Variants in CNTNAP1 observed in about 807,000 individuals in gnomAD.
CNTNAP1 encodes the protein contactin-associated protein 1.
CNTNAP1 carries 80 observed loss-of-function variants against 161.5 expected under a neutral mutation model. That is an observed-to-expected ratio of 0.50 (90% CI 0.41 to 0.60). CNTNAP1 has a LOEUF of 0.60. CNTNAP1 is among the 20% of genes least tolerant of loss of function. The pLI is 0.00. For missense variants in CNTNAP1, 1,464 were observed against 1,854.8 expected, an observed-to-expected ratio of 0.79 and a Z score of 3.87; for synonymous variants, 695 against 733.1, an observed-to-expected ratio of 0.95 and a Z score of 0.84.
At chr17:42,689,840 A>C (rs1388322234) in intron 11 of CNTNAP1, 1 of 580,460 alleles carries the variant, frequency 1.7e-6, no homozygotes, top group Non-Finnish European at 3.0e-6. Flanking sequence ...TCCTGGGTTC[A>C]AGCGATTCTC....
rs139502882 is a variant in CNTNAP1 at position 42,684,864 on chromosome 17, G to A, written c.364-127G>A. On this transcript the variant is annotated intron_variant, in intron 3 of 23. Coordinates refer to ENST00000264638, the MANE Select transcript of CNTNAP1 (RefSeq NM_003632.3). ...TGTTTGAACCCGGGAGGCAGAGGTT[G>A]CGGTGAGCCGAGATCGTACCACCGC... The A allele has an allele frequency of 6.4e-3, 6,829 of 1,069,326 alleles. 211 individuals are homozygous for A. The highest frequency in any genetic ancestry group is 0.061 in the South Asian group (3,673 of 59,806). 66.2% of individuals were successfully genotyped at this position (1,069,326 alleles called of 1,614,324 possible). A position where few individuals can be genotyped will look rare whatever the true frequency, so the allele number is the denominator to read the frequency against.
chr17:42,691,762 C>A lies in CNTNAP1; in HGVS notation c.2345-44C>A. 1.2e-6 allele frequency: 2 copies of A among 1,600,054 alleles called. No homozygotes were observed. The highest frequency in any genetic ancestry group is 1.7e-6 in the Non-Finnish European group (2 of 1,168,368). On this transcript the variant is annotated intron_variant, in intron 15 of 23. Coordinates refer to ENST00000264638, the MANE Select transcript of CNTNAP1 (RefSeq NM_003632.3). The surrounding 1 kb of genome is among the most constrained non-coding windows in gnomAD (Gnocchi z 4.3). ...ACCCCAGGTTCTCTTCCTCCTCCAC[C>A]CTCCAATCTCCCTGACAAGACCTTC...
chr17:42,692,177 C>G (rs2053095661), intron 16 of CNTNAP1, among the ~76,000 whole-genome samples, 186 bp downstream of exon 16: 1 of 152,220 alleles, frequency 6.6e-6, no homozygotes. Context: ...TAGGCATTCA[C>G]TTGGCCTCTC....
chr17:42,686,485 T>TG lies in CNTNAP1; in HGVS notation c.900+344_900+345insG, dbSNP rs1567970569. Among the ~76,000 whole-genome samples, 276 of 140,434 alleles carry TG rather than the reference T, an allele frequency of 2.0e-3. 2 individuals are homozygous for TG. Among genetic ancestry groups the TG allele is most frequent in the African/African-American group, 7.7e-3 (260 of 33,786 alleles). The allele number at this position is 140,434 out of a possible 152,430, so 92.1% of individuals were successfully genotyped here. On this transcript the variant is annotated intron_variant, in intron 6 of 23. Transcript: ENST00000264638. Reference sequence around the variant, plus strand: ...AAAAGGCCTGTTTTTTTTTTTTTTTTTTTTTTTTGTGGGTGTTGTTGCTGT... The same window carrying TG: ...AAAAGGCCTGTTTTTTTTTTTTTTTTGTTTTTTTTGTGGGTGTTGTTGCTGT...
At chr17:42,688,698 T>C (rs1259278202) in intron 9 of CNTNAP1, 87 bp downstream of exon 9, 2 of 1,585,942 alleles carry the variant, frequency 1.3e-6, no homozygotes, top group Admixed American at 1.7e-5. Context: ...CATGGAGAAT[T>C]TTGGAGGGAT....
chr17:42,698,848 C>T lies in CNTNAP1; in HGVS notation c.4093C>T (p.Pro1365Ser). ...SAPAPAPTPA[P>S]APGPRDQNLP... ...CCCAGCCCCAGCCCCAACTCCAGCC[C>T]CAGCCCCTGGCCCCCGGGATCAGAA... Residue 1365 changes from proline (P) to serine (S), a missense_variant, in exon 24 of 24, where the codon CCA becomes TCA. Coordinates refer to ENST00000264638, the MANE Select transcript of CNTNAP1 (RefSeq NM_003632.3). The T allele has an allele frequency of 6.3e-7, 1 of 1,594,932 alleles. No homozygotes were observed.
In CNTNAP1 at chr17:42,687,099, CAA is replaced by C. The variant is rs557099633; in HGVS notation, c.1044+55_1044+56del. 239 of 1,583,708 alleles carry C rather than the reference CAA, an allele frequency of 1.5e-4. No individual in the cohort carries two copies. The African/African-American group carries it at 2.7e-3, about 18-fold the overall frequency. On this transcript the variant is annotated intron_variant, in intron 7 of 23. Transcript: ENST00000264638. The surrounding 1 kb of genome is among the most constrained non-coding windows in gnomAD (Gnocchi z 4.7). The stretch of plus-strand genomic sequence containing the variant: ...CAGGATATCAAAGCGTCGTGGAAAG[CAA>C]AGAGGTGGAGCGGGAAGAGATATTG...
At chr17:42,692,777 G>C (rs1377673577) in intron 17 of CNTNAP1, 57 bp downstream of exon 17, 1 of 1,493,164 alleles carries the variant, frequency 6.7e-7, no homozygotes, top group East Asian at 2.3e-5. Context: ...ATCCTCCAAG[G>C]CCACTCGCCT....
chr17:42,697,250 T>TCCCCCCCC (rs758627205), intron 20 of CNTNAP1, 24 bp from the exon 21 acceptor site: 2 of 1,248,136 alleles, frequency 1.6e-6, no homozygotes, highest in South Asian at 2.4e-5. Context: ...CTCATCGCCC[T>TCCCCCCCC]CCCCCTCCCC....
At chr17:42,695,905 C>G (rs1163024698) in intron 19 of CNTNAP1, 31 bp downstream of exon 19, 1 of 1,600,222 alleles carries the variant, frequency 6.2e-7, no homozygotes, top group Middle Eastern at 1.7e-4. Flanking sequence ...TCACCCCACT[C>G]CAGCTTCACC....
In CNTNAP1 at chr17:42,685,128, C is replaced by T. The variant is rs779157700; in HGVS notation, c.501C>T (p.Gly167=). The T allele has an allele frequency of 6.3e-7, 1 of 1,589,492 alleles. No homozygotes were observed. Among genetic ancestry groups the T allele is most frequent in the Non-Finnish European group, 8.6e-7 (1 of 1,166,326 alleles). ...GKIGLRLGLY[G]CPYKADILYF... ...TCGGCCTGAGGCTCGGCCTCTATGGCTGCCCATACAGTAAGTGTGCAGAGA... is the reference window on the plus strand; with the variant it reads ...TCGGCCTGAGGCTCGGCCTCTATGGTTGCCCATACAGTAAGTGTGCAGAGA... Residue 167 remains glycine, a synonymous_variant, in exon 4 of 24, where the codon GGC becomes GGT. Transcript: ENST00000264638. The surrounding 1 kb of genome is among the most constrained non-coding windows in gnomAD (Gnocchi z 5.0).
chr17:42,692,833 A>T, intron 17 of CNTNAP1, 113 bp downstream of exon 17: 3 of 879,774 alleles, frequency 3.4e-6, no homozygotes, highest in Non-Finnish European at 5.1e-6. Context: ...CCTCTGCTTC[A>T]GAGCAAGCCA....
rs1033567726 is a variant in CNTNAP1 at position 42,696,170 on chromosome 17, T to A, written c.3474+18T>A. The stretch of plus-strand genomic sequence containing the variant: ...TCATCCAGGTATGCATAGAGGGAGG[T>A]GAGCCAGTTCAGATCATAACCTCAT... On this transcript the variant is annotated intron_variant, in intron 20 of 23. Coordinates refer to ENST00000264638, the MANE Select transcript of CNTNAP1 (RefSeq NM_003632.3). 1.9e-6 allele frequency: 3 copies of A among 1,613,856 alleles called. No homozygotes were observed. Among genetic ancestry groups the A allele is most frequent in the Non-Finnish European group, 2.5e-6 (3 of 1,179,978 alleles).
At chr17:42,694,631 C>CA (rs34438412) in intron 18 of CNTNAP1, among the ~76,000 whole-genome samples, 69,282 of 137,358 alleles carry the variant, frequency 0.5, 16,378 homozygotes, top group South Asian at 0.55. Context: ...ACTGTGTCTA[C>CA]AAAAAAAAAA....
chr17:42,698,351 G>T (rs2053176805), intron 23 of CNTNAP1, among the ~76,000 whole-genome samples: 1 of 152,182 alleles, frequency 6.6e-6, no homozygotes, highest in African/African-American at 2.4e-5. Flanking sequence ...CAGGGGGTAA[G>T]CCAGGAATTC....
In CNTNAP1 at chr17:42,687,999, G is replaced by A. The variant is rs769519733; in HGVS notation, c.1306+18G>A. The A allele has an allele frequency of 2.5e-6, 4 of 1,608,648 alleles. No individual in the cohort carries two copies. Among genetic ancestry groups the A allele is most frequent in the Admixed American group, 1.7e-5 (1 of 59,514 alleles). ...CGCTGCTGGTGAGGGCGTTTCGGGG[G>A]AGGCACAAGAAGAGAAGAGAAGTGT... On this transcript the variant is annotated intron_variant, in intron 8 of 23. Transcript: ENST00000264638. This position sits in a 1 kb window ranked among gnomAD's most constrained non-coding sequence, Gnocchi z 4.7.
intron 1 of CNTNAP1, chr17:42,683,228 TG>T (rs2052960447): frequency 1.9e-6 from 1 of 533,296 alleles, no homozygotes; most frequent in Non-Finnish European, 2.8e-6. Flanking sequence ...ATTAAGGTTT[TG>T]CCAGGGCTTA....
At chr17:42,698,445 A>ATGTGTGTGTGTGTGTGTG (rs71276881) in intron 23 of CNTNAP1, among the ~76,000 whole-genome samples, 173 bp from the exon 24 acceptor site, 1 of 139,480 alleles carries the variant, frequency 7.2e-6, no homozygotes, top group African/African-American at 2.7e-5. Context: ...CCAAAAGTAA[A>ATGTGTGTGTGTGTGTGTG]TGTGTGTGTG....
At chr17:42,689,136 T>A (rs1197952300) in intron 10 of CNTNAP1, 89 bp downstream of exon 10, 1 of 1,325,922 alleles carries the variant, frequency 7.5e-7, no homozygotes, top group African/African-American at 1.5e-5. Flanking sequence ...ATAATCTCCC[T>A]TCTCCTTGTC....
Sources: allele counts gnomAD v4.1 joint callset (sites outside exome capture counted in the v4.1 genomes callset), GRCh38; gene constraint gnomAD v4.1.1; non-coding constraint Gnocchi (gnomAD v3.1); transcripts MANE v1.5; gene names NCBI Gene and HGNC (gene_info 2026-07-23, HGNC 2026-07-21).